Variants in PLCG2 observed in about 807,000 individuals in gnomAD.
PLCG2 encodes the protein 1-phosphatidylinositol 4,5-bisphosphate phosphodiesterase gamma-2.
In PLCG2, 69 loss-of-function variants were observed where a neutral mutation model predicts 175.6. That is an observed-to-expected ratio of 0.39 (90% CI 0.32 to 0.48). The LOEUF is 0.48. Among genes scored for constraint, PLCG2 ranks in the 20% least tolerant of loss-of-function variants. The pLI, the probability that PLCG2 is intolerant of heterozygous loss-of-function variation, is 0.91. For synonymous variants in PLCG2, 827 were observed against 624.0 expected, an observed-to-expected ratio of 1.33 and a Z score of -4.85; for missense variants, 1,798 against 1,650.9, an observed-to-expected ratio of 1.09 and a Z score of -1.54.
At chr16:81,802,995 A>G (rs1301628143) in intron 2 of PLCG2, among the ~76,000 whole-genome samples, 2 of 152,042 alleles carry the variant, frequency 1.3e-5, no homozygotes, top group African/African-American at 2.4e-5. Flanking sequence ...AATCCTATAC[A>G]TTAGCAGTCA....
At chr16:81,883,727 G>A (rs1055078025) in intron 9 of PLCG2, 3 of 275,294 alleles carry the variant, frequency 1.1e-5, no homozygotes, top group African/African-American at 6.7e-5. Context: ...CTTGACTGAT[G>A]GGAGGATGGG....
intron 2 of PLCG2, among the ~76,000 whole-genome samples, chr16:81,808,298 C>G (rs1904291199): frequency 6.6e-6 from 1 of 152,086 alleles, no homozygotes; most frequent in Non-Finnish European, 1.5e-5. Flanking sequence ...GTTTTGGAGG[C>G]AAACCCCTCC....
intron 9 of PLCG2, among the ~76,000 whole-genome samples, chr16:81,888,273 C>T (rs1050075051): frequency 2.0e-5 from 3 of 152,126 alleles, no homozygotes; most frequent in African/African-American, 4.8e-5. Flanking sequence ...TGCAATGGTA[C>T]AACCTCGGTT....
At chr16:81,940,645 A>T (rs1672212855) in intron 30 of PLCG2, among the ~76,000 whole-genome samples, 2 of 152,214 alleles carry the variant, frequency 1.3e-5, no homozygotes, top group Admixed American at 6.5e-5. Flanking sequence ...AACCAAGCCA[A>T]GCTGGGTCAT....
intron 21 of PLCG2, among the ~76,000 whole-genome samples, chr16:81,923,219 C>T (rs1910127832): frequency 6.8e-6 from 1 of 147,994 alleles, no homozygotes; most frequent in African/African-American, 2.5e-5. Context: ...AACCCTAGCC[C>T]CAAACCCTAA....
chr16:81,949,065 A>C (rs1386616160), intron 31 of PLCG2, among the ~76,000 whole-genome samples: 1 of 152,244 alleles, frequency 6.6e-6, no homozygotes, highest in African/African-American at 2.4e-5. Context: ...GATCTGCATT[A>C]GTGACACCAA....
chr16:81,748,965 G>A (rs970515582), intron 1 of PLCG2, among the ~76,000 whole-genome samples: 4 of 152,178 alleles, frequency 2.6e-5, no homozygotes, highest in Non-Finnish European at 5.9e-5. Context: ...ACCTCTCCAG[G>A]CACTGAGGCC....
chr16:81,774,841 C>T (rs1313303910), upstream of PLCG2, among the ~76,000 whole-genome samples: 1 of 151,808 alleles, frequency 6.6e-6, no homozygotes. Context: ...GCCTCCTGGG[C>T]TTAAGTGATC....
chr16:81,843,971 TTTTC>T (rs765032609), intron 2 of PLCG2, among the ~76,000 whole-genome samples: 4 of 151,920 alleles, frequency 2.6e-5, no homozygotes, highest in Non-Finnish European at 5.9e-5. Flanking sequence ...TTTGTTTTCT[TTTTC>T]TTTCTTTCTT....
At chr16:81,826,172 A>G (rs1311769263) in intron 2 of PLCG2, among the ~76,000 whole-genome samples, 1 of 152,202 alleles carries the variant, frequency 6.6e-6, no homozygotes, top group East Asian at 1.9e-4. Context: ...CCCATGCCAG[A>G]AAGCTAGAGT....
At chr16:81,835,163 T>C (rs1905449724) in intron 2 of PLCG2, among the ~76,000 whole-genome samples, 1 of 152,218 alleles carries the variant, frequency 6.6e-6, no homozygotes, top group African/African-American at 2.4e-5. Flanking sequence ...CTTTGAGCCT[T>C]AGAATTTTAT....
At chr16:81,844,602 G>A (rs756085845) in intron 2 of PLCG2, among the ~76,000 whole-genome samples, 9 of 152,214 alleles carry the variant, frequency 5.9e-5, no homozygotes, top group African/African-American at 1.4e-4. Flanking sequence ...GATTACCGGC[G>A]TGAGCCACTG....
chr16:81,823,844 CTTTT>C (rs555399772), intron 2 of PLCG2, among the ~76,000 whole-genome samples: 6 of 151,536 alleles, frequency 4.0e-5, no homozygotes, highest in Non-Finnish European at 8.8e-5. Flanking sequence ...CTTTTCTTTT[CTTTT>C]TTTTCCTTCC....
chr16:81,885,967 T>C (rs1908341137), intron 9 of PLCG2, among the ~76,000 whole-genome samples: 1 of 152,208 alleles, frequency 6.6e-6, no homozygotes, highest in Non-Finnish European at 1.5e-5. Flanking sequence ...GGTAATAAGT[T>C]AATTTTATTG....
At chr16:81,866,879 TC>T (rs1907266811) in intron 5 of PLCG2, among the ~76,000 whole-genome samples, 2 of 152,366 alleles carry the variant, frequency 1.3e-5, no homozygotes, top group South Asian at 4.1e-4. Flanking sequence ...GCCCAGCTGT[TC>T]CTTGGACCAC....
At chr16:81,778,021 A>AAAAC (rs1567457635), upstream of PLCG2, among the ~76,000 whole-genome samples, 418 of 67,008 alleles carry the variant, frequency 6.2e-3, 9 homozygotes, top group African/African-American at 0.024. Flanking sequence ...TGTCTCAAAA[A>AAAAC]AAAAAAAAAA....
rs769543821 is a variant in PLCG2 at position 81,905,358 on chromosome 16, C to T, written c.1363-45C>T. 2.3e-5 allele frequency: 32 copies of T among 1,408,698 alleles called. No individual in the cohort carries two copies. In the Admixed American group the frequency reaches 5.0e-4, roughly 22 times the overall value. The allele number at this position is 1,408,698 out of a possible 1,614,324, so 87.3% of individuals were successfully genotyped here. ...AAGGCTGCTGGCTCAAAGGCCTAAACTTGGGTCTCCATGGAGACAGCCTAT... is the reference window on the plus strand; with the variant it reads ...AAGGCTGCTGGCTCAAAGGCCTAAATTTGGGTCTCCATGGAGACAGCCTAT... On this transcript the variant is annotated intron_variant, in intron 14 of 32. Coordinates refer to ENST00000564138, the MANE Select transcript of PLCG2 (RefSeq NM_002661.5).
intron 2 of PLCG2, among the ~76,000 whole-genome samples, chr16:81,801,574 C>T (rs1055321826): frequency 1.3e-5 from 2 of 152,202 alleles, no homozygotes; most frequent in African/African-American, 4.8e-5. Flanking sequence ...CTCCCGATTC[C>T]AGCAAACACG....
intron 23 of PLCG2, 38 bp downstream of exon 23, chr16:81,927,216 G>T (rs760945953): frequency 7.2e-7 from 1 of 1,386,490 alleles, no homozygotes; most frequent in South Asian, 1.2e-5. Context: ...AGGAAGAAGG[G>T]ATCTGCAGGT....
Sources: allele counts gnomAD v4.1 joint callset (sites outside exome capture counted in the v4.1 genomes callset), GRCh38; gene constraint gnomAD v4.1.1; transcripts MANE v1.5; gene names NCBI Gene and HGNC (gene_info 2026-07-23, HGNC 2026-07-21).